The following GPC6 variants were observed in gnomAD, a reference collection of about 807,000 sequenced individuals.
The protein encoded by GPC6 is glypican 6, also known as glypican-6.
A neutral mutation model predicts 55.2 loss-of-function variants in GPC6; 14 were observed. The ratio of observed to expected loss-of-function variants is 0.25; its 90% confidence interval spans 0.17 to 0.40. GPC6 has a LOEUF of 0.40. Ranked by LOEUF, GPC6 falls within the 10% of genes least tolerant of loss-of-function variation. The probability of loss-of-function intolerance (pLI) is 1.00; values close to 1 mark genes in which losing one functional copy is unlikely to be tolerated. For missense variants in GPC6, 641 were observed against 708.5 expected, an observed-to-expected ratio of 0.90 and a Z score of 1.08; for synonymous variants, 278 against 259.6, an observed-to-expected ratio of 1.07 and a Z score of -0.68.
At chr13:93,562,518 G>A (rs939539568) in intron 2 of GPC6, among the ~76,000 whole-genome samples, 86 of 152,116 alleles carry the variant, frequency 5.7e-4, no homozygotes, top group African/African-American at 2.0e-3. Context: ...ATTCTACCAT[G>A]GAGAGTTATT....
chr13:93,400,225 T>C (rs561838664), intron 1 of GPC6, among the ~76,000 whole-genome samples: 1 of 152,210 alleles, frequency 6.6e-6, no homozygotes, highest in East Asian at 1.9e-4. Context: ...CTTTTTACCG[T>C]CTTCCTTTCC....
intron 7 of GPC6, among the ~76,000 whole-genome samples, chr13:94,396,960 C>G (rs1484105618): frequency 6.6e-6 from 1 of 152,086 alleles, no homozygotes; most frequent in African/African-American, 2.4e-5. Flanking sequence ...TTTCATAAAA[C>G]AAGGATAAAA....
At chr13:93,513,260 C>A (rs1881052642) in intron 1 of GPC6, among the ~76,000 whole-genome samples, 2 of 152,208 alleles carry the variant, frequency 1.3e-5, no homozygotes, top group South Asian at 4.1e-4. Flanking sequence ...TCAATAGAAT[C>A]ATTCTTACCA....
intron 4 of GPC6, among the ~76,000 whole-genome samples, chr13:94,172,957 C>T (rs370381370): frequency 3.9e-5 from 6 of 152,086 alleles, no homozygotes; most frequent in African/African-American, 7.2e-5. Flanking sequence ...CACATGAGTA[C>T]GGAGCAGTGG....
At chr13:93,480,703 CTA>C (rs986894686) in intron 1 of GPC6, among the ~76,000 whole-genome samples, 4 of 152,190 alleles carry the variant, frequency 2.6e-5, no homozygotes, top group African/African-American at 9.7e-5. Flanking sequence ...CCTTCTGTCT[CTA>C]TAGATTTGTA....
intron 2 of GPC6, among the ~76,000 whole-genome samples, chr13:93,646,867 AAAAC>A (rs888563417): frequency 7.9e-5 from 12 of 152,236 alleles, no homozygotes; most frequent in African/African-American, 2.9e-4. Flanking sequence ...TGAAAAAAAA[AAAAC>A]AAAAAAAACA....
At chr13:93,838,517 ATTATT>A (rs1477376981) in intron 3 of GPC6, among the ~76,000 whole-genome samples, 1 of 152,196 alleles carries the variant, frequency 6.6e-6, no homozygotes, top group East Asian at 1.9e-4. Context: ...ATTTGGGCAT[ATTATT>A]TTTAAGTTAA....
At chr13:94,194,915 A>G (rs1889520173) in intron 4 of GPC6, among the ~76,000 whole-genome samples, 1 of 151,938 alleles carries the variant, frequency 6.6e-6, no homozygotes, top group Non-Finnish European at 1.5e-5. Context: ...TTATATGAGT[A>G]TGTATTTATG....
At chr13:94,047,691 C>T (rs1883779538) in intron 4 of GPC6, among the ~76,000 whole-genome samples, 1 of 152,112 alleles carries the variant, frequency 6.6e-6, no homozygotes, top group Non-Finnish European at 1.5e-5. Context: ...TGAAAATGGT[C>T]TTTGCCAAAC....
At chr13:93,974,421 A>G (rs1880428705) in intron 3 of GPC6, among the ~76,000 whole-genome samples, 1 of 152,200 alleles carries the variant, frequency 6.6e-6, no homozygotes, top group Non-Finnish European at 1.5e-5. Flanking sequence ...TCTTACACCT[A>G]CTATAATGTT....
intron 1 of GPC6, among the ~76,000 whole-genome samples, chr13:93,479,397 C>A (rs1442510732): frequency 6.6e-6 from 1 of 152,090 alleles, no homozygotes; most frequent in Non-Finnish European, 1.5e-5. Flanking sequence ...ATAGGGAAAG[C>A]ATAAAAGCAG....
At chr13:93,740,798 TCAAA>T (rs1296671010) in intron 2 of GPC6, among the ~76,000 whole-genome samples, 18 of 152,152 alleles carry the variant, frequency 1.2e-4, no homozygotes, top group African/African-American at 3.9e-4. Context: ...AATACAAGAC[TCAAA>T]CAGTCTGATG....
intron 1 of GPC6, among the ~76,000 whole-genome samples, chr13:93,524,161 T>G (rs2139404034): frequency 6.6e-6 from 1 of 152,074 alleles, no homozygotes; most frequent in Non-Finnish European, 1.5e-5. Context: ...TACCCAACTC[T>G]TTCAGGCAAG....
At chr13:93,544,016 T>G (rs899531447) in intron 1 of GPC6, among the ~76,000 whole-genome samples, 1 of 152,050 alleles carries the variant, frequency 6.6e-6, no homozygotes, top group African/African-American at 2.4e-5. Flanking sequence ...TGGGGTGAGA[T>G]GATACATCAC....
chr13:93,656,941 GA>G (rs1193506808), intron 2 of GPC6, among the ~76,000 whole-genome samples: 2 of 151,966 alleles, frequency 1.3e-5, no homozygotes, highest in African/African-American at 4.8e-5. Flanking sequence ...AACTTTTGCT[GA>G]AAAAAATTAG....
chr13:93,427,089 G>GT (rs1166266700), intron 1 of GPC6, among the ~76,000 whole-genome samples: 3 of 148,958 alleles, frequency 2.0e-5, no homozygotes, highest in East Asian at 2.0e-4. Flanking sequence ...GGGGTTGTTT[G>GT]TTTTTTTCTT....
intron 2 of GPC6, among the ~76,000 whole-genome samples, chr13:93,783,238 G>T (rs1264122204): frequency 1.3e-5 from 2 of 152,124 alleles, no homozygotes; most frequent in African/African-American, 4.8e-5. Context: ...CATTTGGGCT[G>T]ATTCCATGTC....
At chr13:93,922,339 T>C (rs1877617492) in intron 3 of GPC6, among the ~76,000 whole-genome samples, 2 of 152,170 alleles carry the variant, frequency 1.3e-5, no homozygotes, top group African/African-American at 2.4e-5. Flanking sequence ...AATAGCAAGA[T>C]TCAAATAAGC....
chr13:93,660,483 C>T lies in GPC6; in HGVS notation c.319+115062C>T, dbSNP rs114045687. On this transcript the variant is annotated intron_variant, in intron 2 of 8. Coordinates refer to ENST00000377047, the MANE Select transcript of GPC6 (RefSeq NM_005708.5). ...TGTAGTAAAACCTGACATAAAAACA[C>T]TTGCAGAAAATTAAGATTTAGTTAA... Among the ~76,000 whole-genome samples the T allele has an allele frequency of 8.4e-3, 1,273 of 152,180 alleles. 15 individuals are homozygous for T. The highest frequency in any genetic ancestry group is 0.029 in the African/African-American group (1,198 of 41,510).
Sources: allele counts gnomAD v4.1 joint callset (sites outside exome capture counted in the v4.1 genomes callset), GRCh38; gene constraint gnomAD v4.1.1; transcripts MANE v1.5; gene names NCBI Gene and HGNC (gene_info 2026-07-23, HGNC 2026-07-21).